SAMMSON: variants seen among roughly 807,000 people sequenced by gnomAD.
SAMMSON encodes survival associated mitochondrial melanoma specific oncogenic non-coding RNA.
chr3:70,268,871 T>G (rs1482979535), intron 6 of SAMMSON, among the ~76,000 whole-genome samples: 6 of 152,204 alleles, frequency 3.9e-5, no homozygotes, highest in Non-Finnish European at 8.8e-5. Context: ...TCTCAGTTTA[T>G]GAGGATTATT....
intron 4 of SAMMSON, among the ~76,000 whole-genome samples, chr3:70,093,399 GGAT>G (rs1214775112): frequency 6.6e-6 from 1 of 152,142 alleles, no homozygotes; most frequent in Non-Finnish European, 1.5e-5. Flanking sequence ...AGACTCTTGA[GGAT>G]GATACTATCT....
intron 6 of SAMMSON, among the ~76,000 whole-genome samples, chr3:70,261,847 G>C (rs895272715): frequency 6.6e-6 from 1 of 152,056 alleles, no homozygotes; most frequent in Non-Finnish European, 1.5e-5. Flanking sequence ...CTGAATGCCC[G>C]AACCCTTTTA....
At chr3:70,413,360 A>C (rs989933128) in intron 2 of SAMMSON, among the ~76,000 whole-genome samples, 14 of 152,106 alleles carry the variant, frequency 9.2e-5, no homozygotes, top group Admixed American at 8.5e-4. Context: ...TCCACATAAA[A>C]AATTTTCTGA....
intron 9 of SAMMSON, among the ~76,000 whole-genome samples, chr3:70,385,134 A>C (rs1305955187): frequency 6.6e-6 from 1 of 152,086 alleles, no homozygotes; most frequent in East Asian, 1.9e-4. Context: ...GTGGTGTAGA[A>C]GAAAAAGCAC....
chr3:70,152,130 A>G (rs1052030607), intron 4 of SAMMSON, among the ~76,000 whole-genome samples: 1 of 151,964 alleles, frequency 6.6e-6, no homozygotes, highest in Non-Finnish European at 1.5e-5. Context: ...AATAAGATAC[A>G]GTTCTGGCAC....
At position 70,126,349 on chromosome 3, in the gene SAMMSON, G is replaced by T. The variant is rs775196174; in HGVS notation, n.507+54784G>T. On this transcript the variant is annotated intron_variant and non_coding_transcript_variant, in intron 4 of 9. Transcript: ENST00000642114. Reference sequence around the variant, plus strand: ...TCAAAGACTAAAGTATGACCTAAAAGTTTCAGCTGATGGAGTCTTGTCAAT... The same window carrying T: ...TCAAAGACTAAAGTATGACCTAAAATTTTCAGCTGATGGAGTCTTGTCAAT... 7.5e-4 allele frequency: 874 copies of T among 1,169,336 alleles called. 8 individuals are homozygous for T. Among genetic ancestry groups the T allele is most frequent in the Non-Finnish European group, 1.3e-4 (102 of 811,620 alleles). 72.4% of individuals were successfully genotyped at this position (1,169,336 alleles called of 1,614,324 possible).
At chr3:70,324,845 A>G (rs1575626116) in intron 7 of SAMMSON, among the ~76,000 whole-genome samples, 1 of 152,100 alleles carries the variant, frequency 6.6e-6, no homozygotes, top group East Asian at 1.9e-4. Context: ...TGATAGAGGA[A>G]ATATTTCTCC....
chr3:70,287,211 T>C (rs1200088992), intron 6 of SAMMSON, among the ~76,000 whole-genome samples: 2 of 138,808 alleles, frequency 1.4e-5, no homozygotes, highest in East Asian at 4.0e-4. Context: ...AGATAGCTCT[T>C]ATTATTTTGA....
At chr3:70,220,815 G>C (rs1037464017) in intron 4 of SAMMSON, among the ~76,000 whole-genome samples, 2 of 152,144 alleles carry the variant, frequency 1.3e-5, no homozygotes, top group African/African-American at 4.8e-5. Flanking sequence ...TTGCACAAAA[G>C]AAGGTCATTT....
chr3:70,218,100 A>G (rs17006857), intron 4 of SAMMSON, among the ~76,000 whole-genome samples: 8,957 of 152,186 alleles, frequency 0.059, 413 homozygotes, highest in East Asian at 0.25. Flanking sequence ...AAAAGGCCTC[A>G]CTGGGGATTT....
intron 4 of SAMMSON, among the ~76,000 whole-genome samples, chr3:70,160,870 T>A (rs2067611948): frequency 1.3e-5 from 2 of 152,132 alleles, no homozygotes; most frequent in Admixed American, 6.6e-5. Context: ...CAGCAATGTT[T>A]TATAATTTTC....
intron 4 of SAMMSON, among the ~76,000 whole-genome samples, chr3:70,235,410 G>A (rs985678428): frequency 5.9e-5 from 9 of 151,972 alleles, no homozygotes; most frequent in African/African-American, 1.2e-4. Flanking sequence ...ATTGGCTTCC[G>A]TCTCCTCGCA....
chr3:70,418,881 C>G lies in SAMMSON; in HGVS notation n.234-43679C>G, dbSNP rs75178845. On this transcript the variant is annotated intron_variant and non_coding_transcript_variant, in intron 2 of 3. Transcript: ENST00000641053. ...TATCTTTTTTGAATATCAGAAGGCTCTAATGGAACTCAAAATCCAAGGGTT... is the reference window on the plus strand; with the variant it reads ...TATCTTTTTTGAATATCAGAAGGCTGTAATGGAACTCAAAATCCAAGGGTT... Among the ~76,000 whole-genome samples the G allele has an allele frequency of 9.5e-3, 1,433 of 150,414 alleles. 30 individuals carry two copies. The highest frequency in any genetic ancestry group is 0.03 in the African/African-American group (1,234 of 40,578).
intron 4 of SAMMSON, among the ~76,000 whole-genome samples, chr3:70,102,566 T>A (rs1219227148): frequency 6.6e-6 from 1 of 152,150 alleles, no homozygotes; most frequent in African/African-American, 2.4e-5. Context: ...CATTCCTCTT[T>A]CACCAATGAG....
chr3:70,335,303 C>A (rs1702652662), intron 7 of SAMMSON, among the ~76,000 whole-genome samples: 1 of 152,002 alleles, frequency 6.6e-6, no homozygotes, highest in Admixed American at 6.5e-5. Flanking sequence ...CACTGTATGG[C>A]TAGCCCTTAG....
intron 4 of SAMMSON, among the ~76,000 whole-genome samples, chr3:70,130,660 G>A (rs1350361042): frequency 6.6e-6 from 1 of 152,058 alleles, no homozygotes; most frequent in Admixed American, 6.6e-5. Context: ...ACCGAACTCA[G>A]TTATTATGTT....
intron 2 of SAMMSON, among the ~76,000 whole-genome samples, chr3:70,416,110 G>A (rs1195979952): frequency 6.6e-6 from 1 of 152,074 alleles, no homozygotes; most frequent in Non-Finnish European, 1.5e-5. Context: ...CTTCCATTGG[G>A]ACAATCATAA....
intron 8 of SAMMSON, among the ~76,000 whole-genome samples, chr3:70,356,436 G>A (rs1272408155): frequency 6.6e-6 from 1 of 151,914 alleles, no homozygotes. Flanking sequence ...TTTCCAAAAT[G>A]TGCTATACCC....
rs569728675 is a variant in SAMMSON, at chr3:70,112,417, C to T, written n.507+40852C>T. 8.0e-4 allele frequency among the ~76,000 whole-genome samples: 122 copies of T among 151,720 alleles called. 1 individual carries two copies. The highest frequency in any genetic ancestry group is 2.3e-3 in the African/African-American group (96 of 41,342). On this transcript the variant is annotated intron_variant and non_coding_transcript_variant, in intron 4 of 9. Coordinates refer to ENST00000642114, the Ensembl canonical transcript of SAMMSON. ...AAAATAGTCACTAAAGGAGGGGCTTCGGGGAAAGAGAAAAATGGAAACATT... is the reference window on the plus strand; with the variant it reads ...AAAATAGTCACTAAAGGAGGGGCTTTGGGGAAAGAGAAAAATGGAAACATT...
Sources: allele counts gnomAD v4.1 joint callset (sites outside exome capture counted in the v4.1 genomes callset), GRCh38; gene constraint gnomAD v4.1.1; transcripts MANE v1.5; gene names NCBI Gene and HGNC (gene_info 2026-07-23, HGNC 2026-07-21).